CCDC88A: variants seen among roughly 807,000 people sequenced by gnomAD.
The protein encoded by CCDC88A is girdin.
In CCDC88A, 54 loss-of-function variants were observed where a neutral mutation model predicts 234.3. That is an observed-to-expected ratio of 0.23 (90% CI 0.19 to 0.29). The LOEUF (loss-of-function observed/expected upper bound fraction) is 0.29, where lower values mean the gene tolerates loss of function less well. CCDC88A is among the 10% of genes least tolerant of loss of function. The pLI, the probability that CCDC88A is intolerant of heterozygous loss-of-function variation, is 1.00. For synonymous variants in CCDC88A, 753 were observed against 737.8 expected (o/e 1.02, Z -0.33); for missense variants, 1,832 against 2,123.4 (o/e 0.86, Z 2.70).
At chr2:55,299,959 A>G (rs768272795) in intron 28 of CCDC88A, 40 bp from the exon 29 acceptor site, 1 of 1,388,770 alleles carries the variant, frequency 7.2e-7, no homozygotes. Context: ...TAAAACTTCT[A>G]GCTGATGATG....
rs375349075 is a variant in CCDC88A at position 55,383,969 on chromosome 2, A to G, written c.273+4809T>C. 5.9e-5 allele frequency among the ~76,000 whole-genome samples: 9 copies of G among 152,176 alleles called. No individual in the cohort carries two copies. The East Asian group carries it at 1.2e-3, about 20-fold the overall frequency. ...TGGTGCGAAAGTAATTGCGCTCAAG[A>G]CTACAGTGACCTATGAGCTACGACC... On this transcript the variant is annotated intron_variant, in intron 3 of 32. Coordinates refer to ENST00000436346, the MANE Select transcript of CCDC88A (RefSeq NM_001365480.1).
rs1286276093 is a variant in CCDC88A, at chr2:55,370,837, A to G, written c.402+1615T>C. 2.5e-5 allele frequency among the ~76,000 whole-genome samples: 3 copies of G among 120,800 alleles called. No homozygotes were observed. In the East Asian group the frequency reaches 9.5e-4, roughly 38 times the overall value. The allele number at this position is 120,800 out of a possible 152,430, so 79.2% of individuals were successfully genotyped here. On this transcript the variant is annotated intron_variant, in intron 5 of 32. Coordinates refer to ENST00000436346, the MANE Select transcript of CCDC88A (RefSeq NM_001365480.1). ...AGCCTGGGCAACACAGTGAGGCCCC[A>G]TTTCTTAAAAAAAAAAAAAAAAAAA...
In CCDC88A at chr2:55,295,261, C is replaced by T. The variant is rs577619155; in HGVS notation, c.5551+336G>A. On this transcript the variant is annotated intron_variant, in intron 31 of 32. Transcript: ENST00000436346. ...TTCTGTGCAGGTTTATCCAAAGAGG[C>T]AGAAGCCTGGTCAGTTATTCTGATA... 17 of 1,367,828 alleles carry T rather than the reference C, an allele frequency of 1.2e-5. No individual in the cohort carries two copies. In the East Asian group the frequency reaches 7.4e-4, roughly 59 times the overall value. 84.7% of individuals were successfully genotyped at this position (1,367,828 alleles called of 1,614,324 possible). A position where few individuals can be genotyped will look rare whatever the true frequency, so the allele number is the denominator to read the frequency against.
intron 8 of CCDC88A, among the ~76,000 whole-genome samples, chr2:55,352,998 G>A (rs1242645650): frequency 6.6e-6 from 1 of 152,084 alleles, no homozygotes; most frequent in Non-Finnish European, 1.5e-5. Context: ...AATCCATAAA[G>A]AAACACATTT....
chr2:55,366,210 A>ATCT (rs1671922951), intron 5 of CCDC88A, among the ~76,000 whole-genome samples: 2 of 152,166 alleles, frequency 1.3e-5, no homozygotes, highest in Non-Finnish European at 2.9e-5. Flanking sequence ...CTAAGCCAGT[A>ATCT]GATTACCATG....
chr2:55,349,626 G>A (rs374903341), intron 8 of CCDC88A, 27 bp from the exon 9 acceptor site: 119 of 1,503,362 alleles, frequency 7.9e-5, no homozygotes, highest in Admixed American at 1.8e-5. Context: ...TATTCATTAA[G>A]TATACTATTT....
intron 31 of CCDC88A, chr2:55,292,010 T>C (rs966647900): frequency 1.4e-5 from 4 of 283,240 alleles, no homozygotes; most frequent in African/African-American, 8.3e-5. Flanking sequence ...CAATTACATT[T>C]CCCCCCCTCT....
At chr2:55,416,530 A>C (rs1454419) in intron 2 of CCDC88A, among the ~76,000 whole-genome samples, 97,159 of 120,498 alleles carry the variant, frequency 0.81, 40,257 homozygotes, top group Admixed American at 0.9. Flanking sequence ...ACTTTTCTAA[A>C]TTTGATAAAA....
intron 4 of CCDC88A, 38 bp downstream of exon 4, chr2:55,374,776 G>C: frequency 1.6e-6 from 2 of 1,263,446 alleles, no homozygotes; most frequent in Non-Finnish European, 1.2e-6. Flanking sequence ...TTACACAAAG[G>C]TTAGACATTA....
chr2:55,391,725 T>C (rs1444474264), intron 2 of CCDC88A, among the ~76,000 whole-genome samples: 1 of 152,060 alleles, frequency 6.6e-6, no homozygotes, highest in East Asian at 1.9e-4. Context: ...CAAAGAAGCA[T>C]GGAGAAGAGG....
chr2:55,410,889 T>C (rs1416384831), intron 2 of CCDC88A, among the ~76,000 whole-genome samples: 1 of 112,624 alleles, frequency 8.9e-6, no homozygotes, highest in Admixed American at 1.1e-4. Flanking sequence ...AGAGGCCTTG[T>C]CTCAAAAAAA....
chr2:55,340,125 TA>T, intron 12 of CCDC88A: 1 of 152,488 alleles, frequency 6.6e-6, no homozygotes, highest in South Asian at 2.1e-4. Flanking sequence ...AGCTAAGAGA[TA>T]CATGTTTAAC....
chr2:55,409,485 G>A (rs544438786), intron 2 of CCDC88A, among the ~76,000 whole-genome samples: 3 of 152,226 alleles, frequency 2.0e-5, no homozygotes, highest in African/African-American at 7.2e-5. Flanking sequence ...TTGTTTACAT[G>A]CACCTCCCCC....
chr2:55,340,325 T>C (rs976228558), intron 12 of CCDC88A: 6 of 152,228 alleles, frequency 3.9e-5, no homozygotes, highest in Non-Finnish European at 7.3e-5. Context: ...GGGTCTGCTT[T>C]TGTGTATGTT....
chr2:55,387,779 C>CAAAAAAAAAAAAAAAAAAAAAAAAAAA (rs66479611), intron 3 of CCDC88A, among the ~76,000 whole-genome samples: 1 of 64,852 alleles, frequency 1.5e-5, no homozygotes, highest in African/African-American at 5.5e-5. Flanking sequence ...GGCTCCATCT[C>CAAAAAAAAAAAAAAAAAAAAAAAAAAA]AAAAAAAAAA....
At chr2:55,366,813 A>C (rs1168132300) in intron 5 of CCDC88A, among the ~76,000 whole-genome samples, 1 of 152,186 alleles carries the variant, frequency 6.6e-6, no homozygotes, top group Non-Finnish European at 1.5e-5. Context: ...ATGGCACCCA[A>C]AACAAGCTAT....
At chr2:55,346,578 C>G (rs1157395257) in intron 9 of CCDC88A, among the ~76,000 whole-genome samples, 1 of 152,054 alleles carries the variant, frequency 6.6e-6, no homozygotes, top group Non-Finnish European at 1.5e-5. Context: ...CCCCACCATG[C>G]CCGGCTAATT....
At position 55,289,838 on chromosome 2, in the gene CCDC88A, C is replaced by T. The variant is rs1679325737; in HGVS notation, c.*1362G>A. ...ATGGTTACTGGGTTAGTGATGAAAC[C>T]CACAACTCATAAACCACACACTATG... On this transcript the variant is annotated 3_prime_UTR_variant, in exon 33 of 33. Coordinates refer to ENST00000436346, the MANE Select transcript of CCDC88A (RefSeq NM_001365480.1). The T allele has an allele frequency of 6.6e-6, 1 of 150,798 alleles. No homozygotes were observed. The highest frequency in any genetic ancestry group is 2.5e-5 in the African/African-American group (1 of 40,776). The allele number at this position is 150,798 out of a possible 1,614,324, so 9.3% of individuals were successfully genotyped here. A position where few individuals can be genotyped will look rare whatever the true frequency, so the allele number is the denominator to read the frequency against.
chr2:55,376,655 T>C (rs552842884), intron 3 of CCDC88A, among the ~76,000 whole-genome samples: 229 of 152,318 alleles, frequency 1.5e-3, no homozygotes, highest in African/African-American at 5.4e-3. Flanking sequence ...ATACTCAATA[T>C]ATGCATCATG....
Sources: allele counts gnomAD v4.1 joint callset (sites outside exome capture counted in the v4.1 genomes callset), GRCh38; gene constraint gnomAD v4.1.1; transcripts MANE v1.5; gene names NCBI Gene and HGNC (gene_info 2026-07-23, HGNC 2026-07-21).